Variants in PTPRN2 observed in about 807,000 individuals in gnomAD.
The protein encoded by PTPRN2 is receptor-type tyrosine-protein phosphatase N2.
A neutral mutation model predicts 118.8 loss-of-function variants in PTPRN2; 74 were observed. The ratio of observed to expected loss-of-function variants is 0.62; its 90% confidence interval spans 0.52 to 0.76. The LOEUF (loss-of-function observed/expected upper bound fraction) is 0.76. PTPRN2 is among the 30% of genes least tolerant of loss of function. The pLI is 0.00. For missense variants in PTPRN2, 1,481 were observed against 1,394.4 expected (o/e 1.06, Z -0.99); for synonymous variants, 641 against 608.0 (o/e 1.05, Z -0.80).
intron 12 of PTPRN2, among the ~76,000 whole-genome samples, chr7:157,738,258 T>C (rs1800415851): frequency 6.6e-6 from 1 of 152,092 alleles, no homozygotes; most frequent in South Asian, 2.1e-4. Context: ...ATTTCAACAT[T>C]CCTGGCGTCT....
At chr7:157,643,016 T>C (rs1488783948) in intron 14 of PTPRN2, among the ~76,000 whole-genome samples, 1 of 152,082 alleles carries the variant, frequency 6.6e-6, no homozygotes, top group East Asian at 1.9e-4. Flanking sequence ...AGGTCGTAAA[T>C]ATACAGGTAG....
chr7:157,591,348 A>C lies in PTPRN2; in HGVS notation c.2496+3890T>G, dbSNP rs1170530292. On this transcript the variant is annotated intron_variant, in intron 17 of 22. Coordinates refer to ENST00000389418, the MANE Select transcript of PTPRN2 (RefSeq NM_002847.5). The surrounding 1 kb of genome is among the most constrained non-coding windows in gnomAD (Gnocchi z 4.4). ...GCTTCAGATCAGCATCAACAGCCGG[A>C]GATAAAAGGAAGGTGCTTTGGGATG... Among the ~76,000 whole-genome samples, 3 of 152,182 alleles carry C rather than the reference A, an allele frequency of 2.0e-5. No individual in the cohort carries two copies. Among genetic ancestry groups the C allele is most frequent in the Non-Finnish European group, 4.4e-5 (3 of 68,030 alleles).
At position 158,205,228 on chromosome 7, in the gene PTPRN2, T is replaced by A. The variant is rs754025117; in HGVS notation, c.323A>T (p.Glu108Val). ...GTAGGTTTTCGGGAGGTCTGCAAGT[T>A]CCTGGTCCATCACATACTGAGTATA... ...DDYTQYVMDQ[E>V]LADLPKTYLR... The change falls in exon 4 of 23, where the codon GAA (glutamate) becomes GTA (valine). Residue 108 changes from glutamate (E) to valine (V), a missense_variant. Physicochemically the swap from Glu to Val is moderately radical, Grantham distance 121. Transcript: ENST00000389418. 6.2e-7 allele frequency: 1 copy of A among 1,614,112 alleles called. No individual in the cohort carries two copies. The highest frequency in any genetic ancestry group is 8.5e-7 in the Non-Finnish European group (1 of 1,180,014).
chr7:157,854,810 G>A, intron 12 of PTPRN2: 1 of 158,960 alleles, frequency 6.3e-6, no homozygotes. Flanking sequence ...AGAACAGACA[G>A]GACGTTTCAC....
At chr7:158,223,914 C>G (rs1828556639) in intron 3 of PTPRN2, among the ~76,000 whole-genome samples, 1 of 152,016 alleles carries the variant, frequency 6.6e-6, no homozygotes. Context: ...CACAGAAAGC[C>G]CCAAGGACTC....
At chr7:158,284,854 G>A (rs987528265) in intron 3 of PTPRN2, among the ~76,000 whole-genome samples, 1 of 152,250 alleles carries the variant, frequency 6.6e-6, no homozygotes, top group Non-Finnish European at 1.5e-5. Context: ...AGCTCGTTGA[G>A]CTGGACTTTT....
At chr7:157,896,505 G>C (rs957947650) in intron 12 of PTPRN2, among the ~76,000 whole-genome samples, 1 of 151,596 alleles carries the variant, frequency 6.6e-6, no homozygotes, top group African/African-American at 2.4e-5. Flanking sequence ...CCAGGCTCAG[G>C]TGCGCGTGGG....
At chr7:158,340,219 C>A (rs1441701420) in intron 2 of PTPRN2, among the ~76,000 whole-genome samples, 5 of 89,722 alleles carry the variant, frequency 5.6e-5, no homozygotes, top group South Asian at 4.6e-4. Context: ...AGAGCTGATG[C>A]CGGCACACGT....
chr7:158,584,665 G>A (rs1485983503), intron 1 of PTPRN2, among the ~76,000 whole-genome samples: 1 of 152,180 alleles, frequency 6.6e-6, no homozygotes, highest in Non-Finnish European at 1.5e-5. Flanking sequence ...TAAATCAGGG[G>A]AAAAGAGAGG....
At chr7:158,493,180 C>A (rs887797482) in intron 1 of PTPRN2, among the ~76,000 whole-genome samples, 1 of 152,226 alleles carries the variant, frequency 6.6e-6, no homozygotes, top group Non-Finnish European at 1.5e-5. Flanking sequence ...CACAGGGTAT[C>A]CCTCCTGCTT....
At chr7:158,413,816 C>T (rs931498395) in intron 2 of PTPRN2, among the ~76,000 whole-genome samples, 16 of 152,314 alleles carry the variant, frequency 1.1e-4, no homozygotes, top group Non-Finnish European at 2.4e-4. Flanking sequence ...CTGACCCAGC[C>T]TTTTCAGCTC....
At chr7:158,389,236 C>T (rs113571844) in intron 2 of PTPRN2, among the ~76,000 whole-genome samples, 4 of 152,374 alleles carry the variant, frequency 2.6e-5, no homozygotes, top group East Asian at 1.9e-4. Flanking sequence ...GAATGAAACA[C>T]GACACACCTG....
chr7:158,119,990 C>T (rs1463963958), intron 9 of PTPRN2, among the ~76,000 whole-genome samples: 2 of 152,166 alleles, frequency 1.3e-5, no homozygotes, highest in African/African-American at 4.8e-5. Context: ...CAAAGCGTGG[C>T]CTGCACCAAA....
At chr7:158,206,334 G>C (rs1276637076) in intron 3 of PTPRN2, among the ~76,000 whole-genome samples, 1 of 152,124 alleles carries the variant, frequency 6.6e-6, no homozygotes, top group Non-Finnish European at 1.5e-5. Context: ...TGGGCCAAAG[G>C]AAAACCCACT....
At chr7:158,206,872 T>A (rs1030739462) in intron 3 of PTPRN2, among the ~76,000 whole-genome samples, 1 of 150,688 alleles carries the variant, frequency 6.6e-6, no homozygotes, top group African/African-American at 2.4e-5. Flanking sequence ...GTTAGTTACA[T>A]ACGTATACAT....
intron 12 of PTPRN2, among the ~76,000 whole-genome samples, chr7:157,770,721 G>T (rs999746522): frequency 1.3e-5 from 2 of 152,210 alleles, no homozygotes; most frequent in Non-Finnish European, 2.9e-5. Context: ...CTCGGGAAGA[G>T]CGTTCAGCCA....
chr7:157,695,884 C>T (rs1454401913), intron 12 of PTPRN2, among the ~76,000 whole-genome samples: 2 of 151,930 alleles, frequency 1.3e-5, no homozygotes, highest in South Asian at 2.1e-4. Context: ...ACCATCTACC[C>T]ATGCATACTG....
At chr7:158,336,650 C>G (rs28678560) in intron 2 of PTPRN2, among the ~76,000 whole-genome samples, 47 of 86,092 alleles carry the variant, frequency 5.5e-4, no homozygotes, top group African/African-American at 1.9e-3. Context: ...CACACCCACA[C>G]GTCACTCACA....
At chr7:157,561,763 T>C (rs1799202855) in intron 21 of PTPRN2, among the ~76,000 whole-genome samples, 1 of 152,238 alleles carries the variant, frequency 6.6e-6, no homozygotes. Flanking sequence ...AGTGTCCTTG[T>C]CTGCTCTCCA....
Sources: gnomAD v4.1 joint callset for allele counts (sites outside exome capture counted in the v4.1 genomes callset) on GRCh38, gnomAD v4.1.1 for gene constraint, Gnocchi (gnomAD v3.1) non-coding constraint, MANE v1.5 for transcripts, NCBI Gene and HGNC (gene_info 2026-07-23, HGNC 2026-07-21) for gene names.